Variants in RIMS4 observed in about 807,000 individuals in gnomAD.
The protein encoded by RIMS4 is regulating synaptic membrane exocytosis 4, also known as regulating synaptic membrane exocytosis protein 4.
A neutral mutation model predicts 29.0 loss-of-function variants in RIMS4; 9 were observed. That is an observed-to-expected ratio of 0.31 (90% CI 0.19 to 0.54). RIMS4 has a LOEUF of 0.54. Among genes scored for constraint, RIMS4 ranks in the 20% least tolerant of loss-of-function variants. The probability of loss-of-function intolerance (pLI) is 0.94; values close to 1 mark genes in which losing one functional copy is unlikely to be tolerated. For missense variants in RIMS4, 193 were observed against 365.7 expected (o/e 0.53, Z 3.85); for synonymous variants, 130 against 152.9 (o/e 0.85, Z 1.10).
At chr20:44,792,216 G>A (rs1053137490) in intron 1 of RIMS4, among the ~76,000 whole-genome samples, 1 of 152,182 alleles carries the variant, frequency 6.6e-6, no homozygotes, top group African/African-American at 2.4e-5. Flanking sequence ...TGTAAAATAT[G>A]ATCCAGGGCA....
intron 1 of RIMS4, among the ~76,000 whole-genome samples, chr20:44,806,212 G>A (rs2066298174): frequency 6.6e-6 from 1 of 152,212 alleles, no homozygotes; most frequent in Non-Finnish European, 1.5e-5. Flanking sequence ...AGGCGGGAGG[G>A]GGAGAACTGG....
In RIMS4 at chr20:44,801,774, C is replaced by T. The variant is rs546914874; in HGVS notation, c.97+8401G>A. On this transcript the variant is annotated intron_variant, in intron 1 of 5. Coordinates refer to ENST00000372851, the MANE Select transcript of RIMS4 (RefSeq NM_182970.4). ...GGCACAACGCAGGCAGCAGCTGAGA[C>T]TCATTTGGATCATAGACTCTGTGAC... Among the ~76,000 whole-genome samples, 16 of 152,274 alleles carry T rather than the reference C, an allele frequency of 1.1e-4. No individual in the cohort carries two copies. The South Asian group carries it at 2.5e-3, about 24-fold the overall frequency.
intron 2 of RIMS4, among the ~76,000 whole-genome samples, chr20:44,760,513 C>T (rs1274506252): frequency 6.6e-6 from 1 of 152,092 alleles, no homozygotes; most frequent in Non-Finnish European, 1.5e-5. Flanking sequence ...GAAACAATGA[C>T]CAAGGAGCAG....
intron 1 of RIMS4, among the ~76,000 whole-genome samples, chr20:44,797,796 G>A (rs370875889): frequency 2.0e-5 from 3 of 152,062 alleles, no homozygotes; most frequent in Non-Finnish European, 2.9e-5. Context: ...GACCCTTCCC[G>A]CACTCCCCAG....
chr20:44,810,264 C>T lies in RIMS4; in HGVS notation c.8G>A (p.Arg3His). Residue 3 changes from arginine to histidine, a missense_variant, in exon 1 of 6, where the codon CGC becomes CAC. By Grantham distance (29) the Arg-to-His change is conservative (BLOSUM62 0). Transcript: ENST00000372851. ME[R>H]SQSRLSLSAS... ...GGACAGACTGAGGCGGCTCTGCGAG[C>T]GCTCCATGCCCGCGCCGGCGCCGGG... is the stretch of plus-strand genomic sequence containing the variant. The T allele has an allele frequency of 1.6e-6, 2 of 1,252,462 alleles. No individual in the cohort carries two copies. The highest frequency in any genetic ancestry group is 3.9e-5 in the East Asian group (1 of 25,948). The allele number at this position is 1,252,462 out of a possible 1,614,324, so 77.6% of individuals were successfully genotyped here. A position where few individuals can be genotyped will look rare whatever the true frequency, so the allele number is the denominator to read the frequency against.
chr20:44,808,170 C>A (rs2066307500), intron 1 of RIMS4, among the ~76,000 whole-genome samples: 1 of 151,942 alleles, frequency 6.6e-6, no homozygotes, highest in South Asian at 2.1e-4. Flanking sequence ...CACCCCCATC[C>A]ATTTGCGGGC....
rs924887041 is a variant in RIMS4, at chr20:44,785,733, G to T, written c.98-14320C>A. The stretch of plus-strand genomic sequence containing the variant: ...CATGAGAGAAGTGGACTAGATTGGG[G>T]ATGATACATAGGTTTTCTTTTTTTT... On this transcript the variant is annotated intron_variant, in intron 1 of 5. Coordinates refer to ENST00000372851, the MANE Select transcript of RIMS4 (RefSeq NM_182970.4). Among the ~76,000 whole-genome samples, 6 of 151,486 alleles carry T rather than the reference G, an allele frequency of 4.0e-5. No homozygotes were observed. In the East Asian group the frequency reaches 1.2e-3, roughly 29 times the overall value.
chr20:44,760,636 C>G (rs146080924), intron 2 of RIMS4, among the ~76,000 whole-genome samples: 1 of 152,184 alleles, frequency 6.6e-6, no homozygotes, highest in Non-Finnish European at 1.5e-5. Context: ...CTACTGGACA[C>G]GAGCCCTCAC....
intron 1 of RIMS4, among the ~76,000 whole-genome samples, chr20:44,808,924 G>A (rs933320333): frequency 5.9e-5 from 9 of 152,174 alleles, no homozygotes; most frequent in African/African-American, 1.9e-4. Flanking sequence ...TGCACTTCGG[G>A]AGAGATAGTC....
intron 1 of RIMS4, among the ~76,000 whole-genome samples, chr20:44,796,176 C>G (rs2145475590): frequency 6.6e-6 from 1 of 151,948 alleles, no homozygotes; most frequent in South Asian, 2.1e-4. Flanking sequence ...GCCCCCCACC[C>G]AACATGTCAG....
In RIMS4 at chr20:44,756,973, G is replaced by A. The variant is rs764973471; in HGVS notation, c.516C>T (p.Val172=). ...GICIAKKKTK[V]ARKSLDPLYN... ...ACAGTGGGTCCAGCGACTTGCGAGC[G>A]ACTTTGGTCTTCTTCTTGGCAATGC... is the stretch of plus-strand genomic sequence containing the variant. Residue 172 remains valine (V), a synonymous_variant, in exon 5 of 6, where the codon GTC becomes GTT. Transcript: ENST00000372851. This position sits in a 1 kb window ranked among gnomAD's most constrained non-coding sequence, Gnocchi z 5.9. 49 of 1,613,982 alleles carry A rather than the reference G, an allele frequency of 3.0e-5. No homozygotes were observed. The highest frequency in any genetic ancestry group is 2.7e-4 in the Admixed American group (16 of 60,008).
At chr20:44,778,693 A>C (rs2066171081) in intron 1 of RIMS4, among the ~76,000 whole-genome samples, 1 of 152,010 alleles carries the variant, frequency 6.6e-6, no homozygotes, top group Non-Finnish European at 1.5e-5. Flanking sequence ...CTAATTGCTA[A>C]CCTCCCTGCT....
intron 2 of RIMS4, among the ~76,000 whole-genome samples, chr20:44,768,009 G>C (rs1022916133): frequency 6.6e-6 from 1 of 152,162 alleles, no homozygotes; most frequent in Admixed American, 6.5e-5. Flanking sequence ...ATCACACTTC[G>C]AATAGCAAGG....
At position 44,771,431 on chromosome 20, in the gene RIMS4, C is replaced by G; in HGVS notation, c.98-18G>C. Reference sequence around the variant, plus strand: ...GCTGTCCCCTTCTGGGCAAAGCGGCCAAGAGAGATGGGAAGAGAGACACAG... The same window carrying G: ...GCTGTCCCCTTCTGGGCAAAGCGGCGAAGAGAGATGGGAAGAGAGACACAG... On this transcript the variant is annotated intron_variant, in intron 1 of 5. Transcript: ENST00000372851. 1 of 1,601,432 alleles carries G rather than the reference C, an allele frequency of 6.2e-7. No individual in the cohort carries two copies. Among genetic ancestry groups the G allele is most frequent in the Non-Finnish European group, 8.5e-7 (1 of 1,171,326 alleles).
At chr20:44,768,051 C>G (rs915756511) in intron 2 of RIMS4, among the ~76,000 whole-genome samples, 22 of 152,200 alleles carry the variant, frequency 1.4e-4, no homozygotes, top group Non-Finnish European at 2.8e-4. Context: ...TATTACATAA[C>G]CCGGGACTCA....
chr20:44,787,492 C>T (rs553418633), intron 1 of RIMS4, among the ~76,000 whole-genome samples: 4 of 152,206 alleles, frequency 2.6e-5, no homozygotes, highest in Admixed American at 6.5e-5. Context: ...ACAAAATTTA[C>T]GCAGCCTGGA....
chr20:44,775,718 C>T (rs942532428), intron 1 of RIMS4, among the ~76,000 whole-genome samples: 2 of 152,190 alleles, frequency 1.3e-5, no homozygotes, highest in African/African-American at 4.8e-5. Flanking sequence ...ACACGAATCT[C>T]ATCTCAGGGT....
At chr20:44,798,506 G>A (rs568203785) in intron 1 of RIMS4, among the ~76,000 whole-genome samples, 14 of 152,308 alleles carry the variant, frequency 9.2e-5, no homozygotes, top group Admixed American at 7.2e-4. Flanking sequence ...TCTGTAGTCA[G>A]GGGTTCCCAG....
chr20:44,784,175 G>A (rs536877894), intron 1 of RIMS4, among the ~76,000 whole-genome samples: 4 of 152,222 alleles, frequency 2.6e-5, no homozygotes, highest in East Asian at 1.9e-4. Context: ...CTGTCCCCTC[G>A]GATGTCATCT....
Sources: allele counts gnomAD v4.1 joint callset (sites outside exome capture counted in the v4.1 genomes callset), GRCh38; gene constraint gnomAD v4.1.1; non-coding constraint Gnocchi (gnomAD v3.1); transcripts MANE v1.5; gene names NCBI Gene and HGNC (gene_info 2026-07-23, HGNC 2026-07-21).